TBCE: variants seen among roughly 807,000 people sequenced by gnomAD.
The protein encoded by TBCE is tubulin folding cofactor E.
A neutral mutation model predicts 77.0 loss-of-function variants in TBCE; 53 were observed. That is an observed-to-expected ratio of 0.69 (90% confidence interval 0.55 to 0.87). TBCE has a LOEUF of 0.87. Among genes scored for constraint, TBCE ranks in the 40% least tolerant of loss-of-function variants. The pLI is 0.00. For synonymous variants in TBCE, 235 were observed against 241.3 expected (o/e 0.97, Z 0.24); for missense variants, 624 against 622.4 (o/e 1.00, Z -0.03).
At chr1:235,368,350 G>A (rs776954330) in intron 1 of TBCE, among the ~76,000 whole-genome samples, 1 of 152,158 alleles carries the variant, frequency 6.6e-6, no homozygotes, top group Non-Finnish European at 1.5e-5. Flanking sequence ...CAAACTGTTA[G>A]AGAAAGTTAG....
In TBCE at chr1:235,437,369, G is replaced by A. The variant is rs1681529141; in HGVS notation, c.1011G>A (p.Leu337=). 6.2e-7 allele frequency: 1 copy of A among 1,613,992 alleles called. No homozygotes were observed. Residue 337 remains leucine (L), a synonymous_variant, in exon 12 of 17, where the codon TTG becomes TTA. Transcript: ENST00000642610. Reference sequence around the variant, plus strand: ...AGAAGTTACCAAGTCTACGGGCTTTGTCCTGCCTAAGAAACCCCCTGACCA... The same window carrying A: ...AGAAGTTACCAAGTCTACGGGCTTTATCCTGCCTAAGAAACCCCCTGACCA... ...ELEKLPSLRA[L]SCLRNPLTKE...
intron 3 of TBCE, among the ~76,000 whole-genome samples, chr1:235,412,828 A>C (rs1189786446): frequency 1.3e-5 from 2 of 151,934 alleles, no homozygotes; most frequent in African/African-American, 4.8e-5. Flanking sequence ...TTTGAGATGG[A>C]GTTTTGCTCT....
intron 11 of TBCE, among the ~76,000 whole-genome samples, chr1:235,436,977 A>G (rs528474432): frequency 6.6e-6 from 1 of 152,062 alleles, no homozygotes; most frequent in African/African-American, 2.4e-5. Flanking sequence ...AAAAATCGCA[A>G]AATTAACCGG....
intron 1 of TBCE, among the ~76,000 whole-genome samples, chr1:235,368,592 C>T (rs1286821698): frequency 1.9e-5 from 2 of 106,404 alleles, no homozygotes; most frequent in African/African-American, 3.9e-5. Context: ...GAGTCTTGCT[C>T]TGTCGCCCAA....
intron 2 of TBCE, among the ~76,000 whole-genome samples, chr1:235,392,160 C>A (rs1025106622): frequency 2.0e-5 from 3 of 151,018 alleles, no homozygotes; most frequent in Non-Finnish European, 4.4e-5. Flanking sequence ...CTGTCTCTAG[C>A]AAAAATAAAT....
rs566805221 is a variant in TBCE at position 235,426,533 on chromosome 1, C to T, written c.461-607C>T. ...AATCAAAGTTACCCTCACTGCTTTT[C>T]CCCTCTCCTTTTGTTGGATAGTGCT... On this transcript the variant is annotated intron_variant, in intron 5 of 16. Coordinates refer to ENST00000642610, the MANE Select transcript of TBCE (RefSeq NM_003193.5). Among the ~76,000 whole-genome samples the T allele has an allele frequency of 5.9e-5, 9 of 152,290 alleles. No homozygotes were observed. The East Asian group carries it at 1.7e-3, about 29-fold the overall frequency.
intron 2 of TBCE, among the ~76,000 whole-genome samples, chr1:235,391,805 C>T (rs1678408931): frequency 6.6e-6 from 1 of 151,456 alleles, no homozygotes; most frequent in Non-Finnish European, 1.5e-5. Flanking sequence ...TGGGGTTTTC[C>T]CGTGTTGGCC....
intron 8 of TBCE, 86 bp from the exon 9 acceptor site, chr1:235,435,659 G>C: frequency 3.8e-6 from 5 of 1,316,150 alleles, no homozygotes; most frequent in Non-Finnish European, 5.5e-6. Flanking sequence ...GCCCTCCATC[G>C]CACCAAATGC....
chr1:235,444,162 T>G (rs980646238), intron 15 of TBCE, among the ~76,000 whole-genome samples: 22 of 152,248 alleles, frequency 1.4e-4, no homozygotes, highest in African/African-American at 5.3e-4. Flanking sequence ...TAGAAGGCCT[T>G]AGTTGTGTTC....
chr1:235,381,671 C>T lies in TBCE; in HGVS notation c.100+1522C>T, dbSNP rs1364528551. ...CTGCACCCCAGCCTGGGCGACAGAG[C>T]GAGACTCCTTCTCCAAAAAAAAAAA... On this transcript the variant is annotated intron_variant, in intron 2 of 16. Coordinates refer to ENST00000642610, the MANE Select transcript of TBCE (RefSeq NM_003193.5). Among the ~76,000 whole-genome samples, 9 of 102,236 alleles carry T rather than the reference C, an allele frequency of 8.8e-5. No individual in the cohort carries two copies. In the East Asian group the frequency reaches 9.4e-4, roughly 11 times the overall value. 67.1% of individuals were successfully genotyped at this position (102,236 alleles called of 152,430 possible). A position where few individuals can be genotyped will look rare whatever the true frequency, so the allele number is the denominator to read the frequency against.
Position 235,435,806 on chromosome 1 carries a change from G to GA in TBCE, c.803dup (p.Asn268LysfsTer19). On this transcript the variant is annotated frameshift_variant, in exon 9 of 17. Coordinates refer to ENST00000642610, the MANE Select transcript of TBCE (RefSeq NM_003193.5). LOFTEE classifies it high-confidence loss of function. ...TCTTTCCTCTAATCAATTAATTGAT[G>GA]AAAATCAGCTGTATCTGATAGCCCA... 6.2e-7 allele frequency: 1 copy of GA among 1,614,158 alleles called. No homozygotes were observed. Among genetic ancestry groups the GA allele is most frequent in the Non-Finnish European group, 8.5e-7 (1 of 1,180,026 alleles).
Position 235,441,813 on chromosome 1 carries a change from G to A in TBCE, c.1271-1G>A, listed in dbSNP as rs1423900985. 6.2e-7 allele frequency: 1 copy of A among 1,613,830 alleles called. No homozygotes were observed. The highest frequency in any genetic ancestry group is 2.2e-5 in the East Asian group (1 of 44,854). ...TTCATCTCTTTTGCTTTCTTAAACAGAATATGGTGCACCTGAAGATTGGGA... is the reference window on the plus strand; with the variant it reads ...TTCATCTCTTTTGCTTTCTTAAACAAAATATGGTGCACCTGAAGATTGGGA... On this transcript the variant is annotated splice_acceptor_variant, in intron 13 of 16. Transcript: ENST00000642610. LOFTEE classifies it high-confidence loss of function.
intron 8 of TBCE, among the ~76,000 whole-genome samples, chr1:235,434,756 C>T (rs796607942): frequency 1.3e-5 from 2 of 151,808 alleles, no homozygotes; most frequent in South Asian, 4.2e-4. Flanking sequence ...CGGGGTTTCA[C>T]CATCTTGGCC....
At chr1:235,371,486 C>T (rs749698435) in intron 1 of TBCE, among the ~76,000 whole-genome samples, 1 of 151,098 alleles carries the variant, frequency 6.6e-6, no homozygotes, top group Admixed American at 6.6e-5. Context: ...AGTGATTCTC[C>T]CACCTCAGCC....
intron 1 of TBCE, among the ~76,000 whole-genome samples, chr1:235,372,055 C>T (rs976973735): frequency 6.6e-6 from 1 of 152,062 alleles, no homozygotes; most frequent in Admixed American, 6.6e-5. Context: ...GATCAGGGCT[C>T]ACTGCAGCCT....
chr1:235,439,798 T>C (rs1241596744), intron 13 of TBCE, among the ~76,000 whole-genome samples: 1 of 151,392 alleles, frequency 6.6e-6, no homozygotes, highest in Non-Finnish European at 1.5e-5. Flanking sequence ...GGAAAGCATT[T>C]CTTTTTCTTT....
chr1:235,439,322 C>G lies in TBCE; in HGVS notation c.1270+400C>G, dbSNP rs1468130539. 2.4e-5 allele frequency among the ~76,000 whole-genome samples: 3 copies of G among 125,518 alleles called. No individual in the cohort carries two copies. In the Admixed American group the frequency reaches 2.6e-4, roughly 11 times the overall value. The allele number at this position is 125,518 out of a possible 152,430, so 82.3% of individuals were successfully genotyped here. A position where few individuals can be genotyped will look rare whatever the true frequency, so the allele number is the denominator to read the frequency against. ...CTAGCTAACACGGTGAAACCCCGTC[C>G]CTACTAAAAATACAAAAAAAAAAAT... is the stretch of plus-strand genomic sequence containing the variant. On this transcript the variant is annotated intron_variant, in intron 13 of 16. Coordinates refer to ENST00000642610, the MANE Select transcript of TBCE (RefSeq NM_003193.5).
intron 13 of TBCE, among the ~76,000 whole-genome samples, chr1:235,439,267 G>T (rs2102930443): frequency 6.6e-6 from 1 of 151,226 alleles, no homozygotes; most frequent in African/African-American, 2.4e-5. Flanking sequence ...TGAGGCGGGT[G>T]GATCACGAGG....
At chr1:235,421,757 C>T (rs999506852) in intron 5 of TBCE, among the ~76,000 whole-genome samples, 2 of 152,142 alleles carry the variant, frequency 1.3e-5, no homozygotes, top group African/African-American at 4.8e-5. Flanking sequence ...CTTTCTTTAA[C>T]TTTAAAAGGT....
Sources: allele counts gnomAD v4.1 joint callset (sites outside exome capture counted in the v4.1 genomes callset), GRCh38; gene constraint gnomAD v4.1.1; transcripts MANE v1.5; gene names NCBI Gene and HGNC (gene_info 2026-07-23, HGNC 2026-07-21).